Variants in RPL23 observed in about 807,000 individuals in gnomAD.
The protein encoded by RPL23 is ribosomal protein L23, also known as large ribosomal subunit protein uL14.
For missense variants in RPL23, 79 were observed against 178.8 expected (o/e 0.44, Z 3.18); for synonymous variants, 63 against 65.3 (o/e 0.97, Z 0.17).
At position 38,848,557 on chromosome 17, in the gene RPL23, G is replaced by A. The variant is rs1016602212; in HGVS notation, c.*1575C>T. 6.5e-6 allele frequency: 1 copy of A among 152,810 alleles called. No individual in the cohort carries two copies. The highest frequency in any genetic ancestry group is 2.4e-5 in the African/African-American group (1 of 41,448). The allele number at this position is 152,810 out of a possible 1,614,324, so 9.5% of individuals were successfully genotyped here. A position where few individuals can be genotyped will look rare whatever the true frequency, so the allele number is the denominator to read the frequency against. Reference sequence around the variant, plus strand: ...CGAGATTTAATACTTCTAAAACCAAGCCTGGTTCAGTCTAGACAGGGTACT... The same window carrying A: ...CGAGATTTAATACTTCTAAAACCAAACCTGGTTCAGTCTAGACAGGGTACT... On this transcript the variant is annotated 3_prime_UTR_variant, in exon 5 of 5. Transcript: ENST00000479035.
At chr17:38,852,561 C>G (rs1041003333) in intron 3 of RPL23, 43 bp downstream of exon 3, 2 of 1,608,756 alleles carry the variant, frequency 1.2e-6, no homozygotes, top group Non-Finnish European at 1.7e-6. Flanking sequence ...AAAGCGTCCC[C>G]CCACTACTCA....
chr17:38,852,351 C>G, intron 3 of RPL23: 1 of 452,306 alleles, frequency 2.2e-6, no homozygotes. Context: ...GGCTGGGCGA[C>G]AGAGAGAGAC....
chr17:38,849,167 A>C lies in RPL23; in HGVS notation c.*965T>G, dbSNP rs1057013562. On this transcript the variant is annotated 3_prime_UTR_variant, in exon 5 of 5. Coordinates refer to ENST00000479035, the MANE Select transcript of RPL23 (RefSeq NM_000978.4). ...AAATACCTGTAGGTACCATCAACTTAATCATCTTCCACTATGACAGTAAAC... is the reference window on the plus strand; with the variant it reads ...AAATACCTGTAGGTACCATCAACTTCATCATCTTCCACTATGACAGTAAAC... 6.6e-6 allele frequency: 1 copy of C among 152,138 alleles called. No individual in the cohort carries two copies. The highest frequency in any genetic ancestry group is 2.4e-5 in the African/African-American group (1 of 41,426). The allele number at this position is 152,138 out of a possible 1,614,324, so 9.4% of individuals were successfully genotyped here. A position where few individuals can be genotyped will look rare whatever the true frequency, so the allele number is the denominator to read the frequency against.
intron 3 of RPL23, chr17:38,851,611 ACAGCTCCCTGGG>A (rs1354568097): frequency 6.6e-6 from 1 of 152,230 alleles, no homozygotes; most frequent in Non-Finnish European, 1.5e-5. Flanking sequence ...CTCTTCTCTG[ACAGCTCCCTGGG>A]CCACCAATCA....
chr17:38,852,735 A>AC lies in RPL23; in HGVS notation c.98-4dup, dbSNP rs1480974756. ...GATGATATACAGGTTTTTGGCTCCT[A>AC]CAAAAGAATGTAAATAAAAATAAAA... On this transcript the variant is annotated splice_region_variant and splice_polypyrimidine_tract_variant and intron_variant, in intron 2 of 4. Coordinates refer to ENST00000479035, the MANE Select transcript of RPL23 (RefSeq NM_000978.4). 1.2e-6 allele frequency: 2 copies of AC among 1,614,062 alleles called. No homozygotes were observed. The highest frequency in any genetic ancestry group is 1.7e-6 in the Non-Finnish European group (2 of 1,179,994).
rs770495795 is a variant in RPL23, at chr17:38,850,437, G to T, written c.265C>A (p.Arg89Ser). Residue 89 changes from arginine (R) to serine (S), a missense_variant, in exon 4 of 5, where the codon CGT becomes AGT. Transcript: ENST00000479035. Reference protein sequence around the residue: ...AVVIRQRKSYRRKDGVFLYFE... With the variant: ...AVVIRQRKSYSRKDGVFLYFE... ...TAAAGAAACACGCCATCTTTTCTAC[G>T]GTATGACTTTCGTTGTCGAATGACC... is the stretch of plus-strand genomic sequence containing the variant. 6.2e-7 allele frequency: 1 copy of T among 1,613,684 alleles called. No individual in the cohort carries two copies. The highest frequency in any genetic ancestry group is 8.5e-7 in the Non-Finnish European group (1 of 1,179,978).
chr17:38,852,563 C>G (rs535059233), intron 3 of RPL23, 41 bp downstream of exon 3: 9 of 1,608,906 alleles, frequency 5.6e-6, no homozygotes, highest in Admixed American at 3.4e-5. Flanking sequence ...AGCGTCCCCC[C>G]ACTACTCATC....
Position 38,848,249 on chromosome 17 carries a change from T to C in RPL23, c.*1883A>G. ...TAAAACTAGAGATTTAATACATTTT[T>C]TTTCTTTCCCCCCAGAGTTTCACTG... On this transcript the variant is annotated 3_prime_UTR_variant, in exon 5 of 5. Coordinates refer to ENST00000479035, the MANE Select transcript of RPL23 (RefSeq NM_000978.4). 1 of 651,504 alleles carries C rather than the reference T, an allele frequency of 1.5e-6. No homozygotes were observed. 40.4% of individuals were successfully genotyped at this position (651,504 alleles called of 1,614,324 possible).
At chr17:38,853,370 G>A in intron 1 of RPL23, 1 of 698,064 alleles carries the variant, frequency 1.4e-6, no homozygotes, top group Admixed American at 2.1e-5. Flanking sequence ...TTCGCAAAAC[G>A]CAATTACTCC....
At chr17:38,852,117 G>A (rs1427504287) in intron 3 of RPL23, 1 of 155,518 alleles carries the variant, frequency 6.4e-6, no homozygotes, top group African/African-American at 2.4e-5. Context: ...AGCTACTCGG[G>A]AGGCTGAGGC....
chr17:38,848,114 G>T lies in RPL23; in HGVS notation c.*2018C>A. ...CAGCGATTAGTGGTTAATATATAAGGATCATATATTGCCATAATATATAAA... is the reference window on the plus strand; with the variant it reads ...CAGCGATTAGTGGTTAATATATAAGTATCATATATTGCCATAATATATAAA... On this transcript the variant is annotated 3_prime_UTR_variant, in exon 5 of 5. Transcript: ENST00000479035. The T allele has an allele frequency of 6.8e-7, 1 of 1,462,762 alleles. No homozygotes were observed. The highest frequency in any genetic ancestry group is 2.6e-5 in the East Asian group (1 of 38,652). The allele number at this position is 1,462,762 out of a possible 1,614,324, so 90.6% of individuals were successfully genotyped here. A position where few individuals can be genotyped will look rare whatever the true frequency, so the allele number is the denominator to read the frequency against.
At chr17:38,850,866 T>C (rs1239178) in intron 3 of RPL23, 134,788 of 156,792 alleles carry the variant, frequency 0.86, 58,008 homozygotes, top group Admixed American at 0.89. Flanking sequence ...AACTTCACCT[T>C]ACAGGTAGGT....
chr17:38,852,764 G>A, intron 2 of RPL23, 32 bp from the exon 3 acceptor site: 2 of 1,613,776 alleles, frequency 1.2e-6, no homozygotes, highest in Non-Finnish European at 1.7e-6. Context: ...AATAAAAAAT[G>A]TTGAGGGCCA....
At chr17:38,850,700 T>C in intron 3 of RPL23, 1 of 441,772 alleles carries the variant, frequency 2.3e-6, no homozygotes, top group Non-Finnish European at 4.1e-6. Flanking sequence ...GACAGGGTTT[T>C]GCCATGTTGG....
At position 38,849,001 on chromosome 17, in the gene RPL23, C is replaced by T. The variant is rs1308949248; in HGVS notation, c.*1131G>A. ...TTTAGAAAGAAATGCTAACAACCTC[C>T]TACCTTAAGGCCAAGTCCCTTATTA... On this transcript the variant is annotated 3_prime_UTR_variant, in exon 5 of 5. Transcript: ENST00000479035. The T allele has an allele frequency of 6.6e-6, 1 of 152,160 alleles. No homozygotes were observed. The highest frequency in any genetic ancestry group is 1.9e-4 in the East Asian group (1 of 5,198). 9.4% of individuals were successfully genotyped at this position (152,160 alleles called of 1,614,324 possible).
In RPL23 at chr17:38,850,399, A is replaced by G; in HGVS notation, c.303T>C (p.Asn101=). The change falls in exon 4 of 5, where the codon AAT becomes AAC. Residue 101 remains asparagine, a synonymous_variant. Coordinates refer to ENST00000479035, the MANE Select transcript of RPL23 (RefSeq NM_000978.4). The part of the protein sequence containing the change: ...KDGVFLYFED[N]AGVIVNNKGE... Reference sequence around the variant, plus strand: ...CTTTATTGTTCACTATGACTCCTGCATTATCTTCAAAATAAAGAAACACGC... The same window carrying G: ...CTTTATTGTTCACTATGACTCCTGCGTTATCTTCAAAATAAAGAAACACGC... 1 of 1,613,868 alleles carries G rather than the reference A, an allele frequency of 6.2e-7. No homozygotes were observed. Among genetic ancestry groups the G allele is most frequent in the African/African-American group, 1.3e-5 (1 of 75,006 alleles).
intron 1 of RPL23, chr17:38,853,405 C>T: frequency 1.4e-6 from 1 of 712,508 alleles, no homozygotes; most frequent in Non-Finnish European, 2.6e-6. Flanking sequence ...CCGCAGAGGT[C>T]GCGCAAACCA....
chr17:38,853,219 C>T (rs1913056709), intron 1 of RPL23, 114 bp from the exon 2 acceptor site: 1 of 810,188 alleles, frequency 1.2e-6, no homozygotes, highest in Non-Finnish European at 2.1e-6. Context: ...ATAGACTGTA[C>T]GCTATAGATT....
In RPL23 at chr17:38,849,216, TATAA is replaced by T. The variant is rs1182203885; in HGVS notation, c.*912_*915del. On this transcript the variant is annotated 3_prime_UTR_variant, in exon 5 of 5. Transcript: ENST00000479035. ...ACCTACATGGCAATTACTGTTGTTT[TATAA>T]ATATTCAATTTACTCCAAATCTGTT... The T allele has an allele frequency of 6.6e-6, 1 of 152,246 alleles. No homozygotes were observed. The highest frequency in any genetic ancestry group is 1.5e-5 in the Non-Finnish European group (1 of 68,046). The allele number at this position is 152,246 out of a possible 1,614,324, so 9.4% of individuals were successfully genotyped here. A position where few individuals can be genotyped will look rare whatever the true frequency, so the allele number is the denominator to read the frequency against.
Sources: allele counts gnomAD v4.1 joint callset, GRCh38; gene constraint gnomAD v4.1.1; transcripts MANE v1.5; gene names NCBI Gene and HGNC (gene_info 2026-07-23, HGNC 2026-07-21).